Variants in CAD observed in about 807,000 individuals in gnomAD.
CAD encodes multifunctional protein CAD.
A neutral mutation model predicts 237.2 loss-of-function variants in CAD; 81 were observed. The ratio of observed to expected loss-of-function variants is 0.34; its 90% CI spans 0.29 to 0.41. CAD has a LOEUF of 0.41. Ranked by LOEUF, CAD falls within the 10% of genes least tolerant of loss-of-function variation. CAD has a pLI of 1.00. For missense variants in CAD, 2,181 were observed against 2,951.7 expected, an observed-to-expected ratio of 0.74 and a Z score of 6.05; for synonymous variants, 1,196 against 1,162.8, an observed-to-expected ratio of 1.03 and a Z score of -0.58.
chr2:27,226,462 C>T, intron 13 of CAD, 63 bp from the exon 14 acceptor site: 1 of 1,588,262 alleles, frequency 6.3e-7, no homozygotes, highest in Non-Finnish European at 8.6e-7. Context: ...CTTTTCTCTC[C>T]TTTCTGAGAC....
intron 9 of CAD, 74 bp downstream of exon 9, chr2:27,224,564 A>G (rs992730197): frequency 1.9e-6 from 3 of 1,575,204 alleles, no homozygotes; most frequent in East Asian, 4.5e-5. Context: ...GAGAAGGGCT[A>G]AGGTTGCAGG....
chr2:27,233,202 G>T lies in CAD; in HGVS notation c.2991+62G>T. ...CCAGGGTCGAGTAGAACAGCTGGCTGACCTAAGATTCTTTGAAACTTGGTG... is the reference window on the plus strand; with the variant it reads ...CCAGGGTCGAGTAGAACAGCTGGCTTACCTAAGATTCTTTGAAACTTGGTG... On this transcript the variant is annotated intron_variant, in intron 19 of 43. Coordinates refer to ENST00000264705, the MANE Select transcript of CAD (RefSeq NM_004341.5). The surrounding 1 kb of genome is among the most constrained non-coding windows in gnomAD (Gnocchi z 6.3). 6.6e-7 allele frequency: 1 copy of T among 1,506,094 alleles called. No individual in the cohort carries two copies. Among genetic ancestry groups the T allele is most frequent in the South Asian group, 1.1e-5 (1 of 88,364 alleles). The allele number at this position is 1,506,094 out of a possible 1,614,324, so 93.3% of individuals were successfully genotyped here.
chr2:27,237,509 C>T lies in CAD; in HGVS notation c.4527C>T (p.Pro1509=), dbSNP rs1676071474. 1.2e-6 allele frequency: 2 copies of T among 1,614,060 alleles called. No individual in the cohort carries two copies. Among genetic ancestry groups the T allele is most frequent in the Middle Eastern group, 3.4e-4 (2 of 5,956 alleles). Residue 1509 remains proline (P), a synonymous_variant, in exon 28 of 44, where the codon CCC becomes CCT. Coordinates refer to ENST00000264705, the MANE Select transcript of CAD (RefSeq NM_004341.5). The surrounding 1 kb of genome is among the most constrained non-coding windows in gnomAD (Gnocchi z 4.0). Reference sequence around the variant, plus strand: ...GTGCCATGCCTAATACCCGGCCCCCCATCATTGACGCCCCTGCTCTGGCCC... The same window carrying T: ...GTGCCATGCCTAATACCCGGCCCCCTATCATTGACGCCCCTGCTCTGGCCC... ...MVCAMPNTRP[P]IIDAPALALA...
Position 27,233,273 on chromosome 2 carries a change from C to G in CAD, c.2992-39C>G. On this transcript the variant is annotated intron_variant, in intron 19 of 43. Coordinates refer to ENST00000264705, the MANE Select transcript of CAD (RefSeq NM_004341.5). The surrounding 1 kb of genome is among the most constrained non-coding windows in gnomAD (Gnocchi z 6.3). ...GCAGGAAGGCTCAGATTCCTGCCCT[C>G]TTTTGCTGCCACCACTTGTTTCTCC... The G allele has an allele frequency of 3.8e-6, 6 of 1,586,216 alleles. No homozygotes were observed. The highest frequency in any genetic ancestry group is 2.6e-6 in the Non-Finnish European group (3 of 1,155,072).
chr2:27,224,324 C>T (rs771411527), intron 8 of CAD, 21 bp from the exon 9 acceptor site: 23 of 1,613,634 alleles, frequency 1.4e-5, no homozygotes, highest in African/African-American at 6.7e-5. Context: ...TAACATTCTA[C>T]GACCTTCTTT....
Position 27,242,038 on chromosome 2 carries a change from G to T in CAD, c.6011G>T (p.Gly2004Val). 1.2e-6 allele frequency: 2 copies of T among 1,613,348 alleles called. No individual in the cohort carries two copies. The highest frequency in any genetic ancestry group is 1.7e-6 in the Non-Finnish European group (2 of 1,180,022). The part of the protein sequence containing the change: ...FSEATSSVQK[G>V]ESLADSVQTM... ...GAAGCCACATCGTCCGTCCAGAAGGGCGAATCCCTGGCTGACTCCGTGCAG... is the reference window on the plus strand; with the variant it reads ...GAAGCCACATCGTCCGTCCAGAAGGTCGAATCCCTGGCTGACTCCGTGCAG... The change falls in exon 39 of 44, where the codon GGC (glycine) becomes GTC (valine). Residue 2004 changes from glycine (G) to valine (V), a missense_variant. Physicochemically the swap from Gly to Val is moderately radical, Grantham distance 109 (BLOSUM62 -3). Coordinates refer to ENST00000264705, the MANE Select transcript of CAD (RefSeq NM_004341.5). The surrounding 1 kb of genome is among the most constrained non-coding windows in gnomAD (Gnocchi z 6.4).
In CAD at chr2:27,240,369, T is replaced by A. The variant is rs779993862; in HGVS notation, c.5593+8T>A. ...CCGACCCAGGTTTGCCAGGTAAGAG[T>A]GGGGTTCCTGTGACTCAGAGACTGT... is the stretch of plus-strand genomic sequence containing the variant. On this transcript the variant is annotated splice_region_variant and intron_variant, in intron 35 of 43. Transcript: ENST00000264705. The surrounding 1 kb of genome is among the most constrained non-coding windows in gnomAD (Gnocchi z 4.6). 65 of 1,612,716 alleles carry A rather than the reference T, an allele frequency of 4.0e-5. No homozygotes were observed. In the Admixed American group the frequency reaches 1.1e-3, roughly 26 times the overall value.
chr2:27,237,582 T>A lies in CAD; in HGVS notation c.4563+37T>A, dbSNP rs1345832261. On this transcript the variant is annotated intron_variant, in intron 28 of 43. Transcript: ENST00000264705. The surrounding 1 kb of genome is among the most constrained non-coding windows in gnomAD (Gnocchi z 4.0). The stretch of plus-strand genomic sequence containing the variant: ...CACTCTTCCTGGTATTGGAGACCCA[T>A]ATGCCCCTACCAGCCACCCTTGCTT... The A allele has an allele frequency of 1.3e-6, 2 of 1,598,518 alleles. No homozygotes were observed. The highest frequency in any genetic ancestry group is 1.7e-6 in the Non-Finnish European group (2 of 1,170,076).
intron 23 of CAD, 42 bp downstream of exon 23, chr2:27,234,727 G>A (rs1168013094): frequency 9.5e-6 from 15 of 1,575,608 alleles, no homozygotes; most frequent in Middle Eastern, 1.7e-4. Context: ...GAAAAATAGC[G>A]GGAGAGAGTT....
rs1676021331 is a variant in CAD, at chr2:27,236,682, A to G, written c.4315-67A>G. The G allele has an allele frequency of 3.2e-6, 5 of 1,572,510 alleles. No homozygotes were observed. The highest frequency in any genetic ancestry group is 3.5e-6 in the Non-Finnish European group (4 of 1,142,626). On this transcript the variant is annotated intron_variant, in intron 26 of 43. Transcript: ENST00000264705. The surrounding 1 kb of genome is among the most constrained non-coding windows in gnomAD (Gnocchi z 4.1). ...GTGTGCAGAGCCTGGTTTATGGGAAAACCACATCTCTCCCTACAACTCCCA... is the reference window on the plus strand; with the variant it reads ...GTGTGCAGAGCCTGGTTTATGGGAAGACCACATCTCTCCCTACAACTCCCA...
chr2:27,234,897 A>G (rs1675929436), intron 23 of CAD, among the ~76,000 whole-genome samples: 2 of 152,222 alleles, frequency 1.3e-5, no homozygotes, highest in Admixed American at 6.5e-5. Context: ...GGTATAGAAC[A>G]GTCCGTGGTA....
Position 27,239,670 on chromosome 2 carries a change from C to T in CAD, c.5395-27C>T, listed in dbSNP as rs969295942. ...AGGACCTGAGTTCTCTCTGCTCCCT[C>T]CTGAGTGCCCTGCCTTCTGCCTGCA... On this transcript the variant is annotated intron_variant, in intron 33 of 43. Transcript: ENST00000264705. The surrounding 1 kb of genome is among the most constrained non-coding windows in gnomAD (Gnocchi z 4.0). The T allele has an allele frequency of 1.9e-6, 3 of 1,549,286 alleles. No individual in the cohort carries two copies. Among genetic ancestry groups the T allele is most frequent in the Admixed American group, 3.7e-5 (2 of 53,384 alleles).
In CAD at chr2:27,241,711, G is replaced by A. The variant is rs1416119034; in HGVS notation, c.5884-200G>A. On this transcript the variant is annotated intron_variant, in intron 38 of 43. Coordinates refer to ENST00000264705, the MANE Select transcript of CAD (RefSeq NM_004341.5). The surrounding 1 kb of genome is among the most constrained non-coding windows in gnomAD (Gnocchi z 4.6). The stretch of plus-strand genomic sequence containing the variant: ...CTCGTTCAGACACTTAATGATGGGT[G>A]GTTTTCTGGAGGCAGAGCCTTTAGC... Among the ~76,000 whole-genome samples, 1 of 152,178 alleles carries A rather than the reference G, an allele frequency of 6.6e-6. No homozygotes were observed. The highest frequency in any genetic ancestry group is 6.5e-5 in the Admixed American group (1 of 15,282).
At position 27,237,925 on chromosome 2, in the gene CAD, C is replaced by T. The variant is rs751387076; in HGVS notation, c.4728+43C>T. On this transcript the variant is annotated intron_variant, in intron 29 of 43. Transcript: ENST00000264705. This position sits in a 1 kb window ranked among gnomAD's most constrained non-coding sequence, Gnocchi z 4.0. Reference sequence around the variant, plus strand: ...GGCAGGAGGCCACCACCCAGTGTCTCCTGGCTTGTGGGCCCCTGCCTAAGT... The same window carrying T: ...GGCAGGAGGCCACCACCCAGTGTCTTCTGGCTTGTGGGCCCCTGCCTAAGT... 1 of 1,580,220 alleles carries T rather than the reference C, an allele frequency of 6.3e-7. No individual in the cohort carries two copies. Among genetic ancestry groups the T allele is most frequent in the Non-Finnish European group, 8.6e-7 (1 of 1,160,446 alleles).
rs1451553013 is a variant in CAD at position 27,232,057 on chromosome 2, G to A, written c.2478G>A (p.Leu826=). 1.2e-6 allele frequency: 2 copies of A among 1,614,258 alleles called. No homozygotes were observed. The highest frequency in any genetic ancestry group is 1.3e-5 in the African/African-American group (1 of 75,072). ...ALWAGYSVDR[L]YELTRIDRWF... is the part of the protein sequence containing the mutation. Reference sequence around the variant, plus strand: ...GGGCTGGTTATTCAGTGGACCGCCTGTATGAGCTCACACGCATCGACCGCT... The same window carrying A: ...GGGCTGGTTATTCAGTGGACCGCCTATATGAGCTCACACGCATCGACCGCT... The change falls in exon 17 of 44, where the codon CTG becomes CTA. Residue 826 remains leucine (L), a synonymous_variant. Transcript: ENST00000264705. This position sits in a 1 kb window ranked among gnomAD's most constrained non-coding sequence, Gnocchi z 4.1.
In CAD at chr2:27,240,541, C is replaced by CA. The variant is rs1333122359; in HGVS notation, c.5593+181dup. The CA allele has an allele frequency of 1.3e-6, 2 of 1,549,030 alleles. No individual in the cohort carries two copies. Among genetic ancestry groups the CA allele is most frequent in the African/African-American group, 1.4e-5 (1 of 73,162 alleles). On this transcript the variant is annotated intron_variant, in intron 35 of 43. Coordinates refer to ENST00000264705, the MANE Select transcript of CAD (RefSeq NM_004341.5). The surrounding 1 kb of genome is among the most constrained non-coding windows in gnomAD (Gnocchi z 4.6). ...TGTGAGTAGACATCTCACAGCTTCT[C>CA]ACATGCCCTTTTTTGTTGTGGGCAG...
At chr2:27,217,757 A>C (rs558242585) in intron 1 of CAD, 120 bp from the exon 2 acceptor site, 2 of 1,436,964 alleles carry the variant, frequency 1.4e-6, no homozygotes, top group South Asian at 2.7e-5. Context: ...TTCGGTGCCC[A>C]TGGGCCCCAG....
chr2:27,222,223 T>G lies in CAD; in HGVS notation c.382T>G (p.Leu128Val), dbSNP rs145371458. The change falls in exon 4 of 44, where the codon TTG becomes GTG. Residue 128 changes from leucine (L) to valine (V), a missense_variant. This residue lies in a region of CAD where 314 missense variants were observed against 339.4 expected (regional missense o/e 0.93). Coordinates refer to ENST00000264705, the MANE Select transcript of CAD (RefSeq NM_004341.5). ...AGACACTCGGGAGCTGACCAAGAAG[T>G]TGCGGGAACAGGGGTCTCTGCTGGG... The part of the protein sequence containing the change: ...GVDTRELTKK[L>V]REQGSLLGKL... 6.4e-5 allele frequency: 103 copies of G among 1,613,848 alleles called. No homozygotes were observed. The highest frequency in any genetic ancestry group is 8.5e-5 in the Non-Finnish European group (100 of 1,179,980).
chr2:27,239,493 G>A lies in CAD; in HGVS notation c.5394+22G>A, dbSNP rs746737242. On this transcript the variant is annotated intron_variant, in intron 33 of 43. Coordinates refer to ENST00000264705, the MANE Select transcript of CAD (RefSeq NM_004341.5). The surrounding 1 kb of genome is among the most constrained non-coding windows in gnomAD (Gnocchi z 4.0). ...GCAGGTACGCAAGTAGCCCCTGCCT[G>A]ATCTCAGTAGTGCCCTCTTCTGCAC... The A allele has an allele frequency of 6.2e-7, 1 of 1,610,902 alleles. No individual in the cohort carries two copies. Among genetic ancestry groups the A allele is most frequent in the Non-Finnish European group, 8.5e-7 (1 of 1,178,140 alleles).
Sources: gnomAD v4.1 joint callset for allele counts (sites outside exome capture counted in the v4.1 genomes callset) on GRCh38, gnomAD v4.1.1 for gene constraint, gnomAD v4.1.1 regional missense constraint, Gnocchi (gnomAD v3.1) non-coding constraint, MANE v1.5 for transcripts, NCBI Gene and HGNC (gene_info 2026-07-23, HGNC 2026-07-21) for gene names.